Variants in FADS2 observed in about 807,000 individuals in gnomAD.
FADS2 encodes the protein fatty acid desaturase 2, also known as acyl-CoA 6-desaturase.
In FADS2, 18 loss-of-function variants were observed where a neutral mutation model predicts 61.2. The ratio of observed to expected loss-of-function variants is 0.29; its 90% CI spans 0.20 to 0.44. The LOEUF is 0.44. Ranked by LOEUF, FADS2 falls within the 20% of genes least tolerant of loss-of-function variation. The pLI is 1.00. For synonymous variants in FADS2, 203 were observed against 223.9 expected (o/e 0.91, Z 0.83); for missense variants, 322 against 572.7 (o/e 0.56, Z 4.47).
chr11:61,845,066 C>T (rs1356908066), intron 4 of FADS2, among the ~76,000 whole-genome samples: 8 of 92,874 alleles, frequency 8.6e-5, no homozygotes, highest in Non-Finnish European at 1.3e-4. Context: ...TTTTTTGCCT[C>T]AGGCTCTGAT....
At chr11:61,828,266 G>A, upstream of FADS2, 1 of 1,455,100 alleles carries the variant, frequency 6.9e-7, no homozygotes, top group Non-Finnish European at 9.0e-7. This position sits in a 1 kb window ranked among gnomAD's most constrained non-coding sequence, Gnocchi z 6.4. Flanking sequence ...AGGAGTAGGA[G>A]AAGACAAAAG....
At chr11:61,858,967 C>T (rs2067389452) in intron 7 of FADS2, among the ~76,000 whole-genome samples, 1 of 152,236 alleles carries the variant, frequency 6.6e-6, no homozygotes, top group African/African-American at 2.4e-5. Flanking sequence ...TCTCAGCAGT[C>T]TATTTGTCCC....
At position 61,857,464 on chromosome 11, in the gene FADS2, G is replaced by A. The variant is rs779599111; in HGVS notation, c.816G>A (p.Pro272=). Residue 272 remains proline, a synonymous_variant, in exon 7 of 12, where the codon CCG becomes CCA. Coordinates refer to ENST00000278840, the MANE Select transcript of FADS2 (RefSeq NM_004265.4). ...QHEYFFLIGP[P]LLIPMYFQYQ... ...GTCTCTCTCCTGCAGTTGGGCCGCC[G>A]CTGCTCATCCCCATGTATTTCCAGT... is the stretch of plus-strand genomic sequence containing the variant. 74 of 1,613,774 alleles carry A rather than the reference G, an allele frequency of 4.6e-5. No homozygotes were observed. The highest frequency in any genetic ancestry group is 1.6e-4 in the Middle Eastern group (1 of 6,084).
chr11:61,828,807 G>C lies in FADS2; in HGVS notation c.207+210G>C. ...GGTGGAGACCGGATCTGGGACCCGG[G>C]GAGGCGGCGCTGCGGTGAAAGTCCC... On this transcript the variant is annotated intron_variant, in intron 1 of 11. Coordinates refer to ENST00000278840, the MANE Select transcript of FADS2 (RefSeq NM_004265.4). This position sits in a 1 kb window ranked among gnomAD's most constrained non-coding sequence, Gnocchi z 6.4. The C allele has an allele frequency of 3.5e-6, 2 of 565,898 alleles. No homozygotes were observed. The highest frequency in any genetic ancestry group is 6.3e-6 in the Non-Finnish European group (2 of 318,676). 35.1% of individuals were successfully genotyped at this position (565,898 alleles called of 1,614,324 possible).
Position 61,863,764 on chromosome 11 carries a change from C to T in FADS2, c.1135C>T (p.Leu379Phe). 6.2e-7 allele frequency: 1 copy of T among 1,614,146 alleles called. No homozygotes were observed. Among genetic ancestry groups the T allele is most frequent in the Non-Finnish European group, 8.5e-7 (1 of 1,179,976 alleles). The change falls in exon 10 of 12, where the codon CTT (leucine) becomes TTT (phenylalanine). Residue 379 changes from leucine to phenylalanine, a missense_variant. By Grantham distance (22) the Leu-to-Phe change is conservative. Coordinates refer to ENST00000278840, the MANE Select transcript of FADS2 (RefSeq NM_004265.4). ...SFFNDWFSGH[L>F]NFQIEHHLFP... ...CTTCAACGACTGGTTCAGTGGACAC[C>T]TTAACTTCCAGATTGAGCACCAGTG... is the stretch of plus-strand genomic sequence containing the variant.
At chr11:61,852,441 AG>A (rs1367090500) in intron 5 of FADS2, among the ~76,000 whole-genome samples, 2 of 151,868 alleles carry the variant, frequency 1.3e-5, no homozygotes, top group Admixed American at 1.3e-4. Context: ...TTGTATTTTT[AG>A]TAGAGATGGG....
intron 1 of FADS2, among the ~76,000 whole-genome samples, chr11:61,835,304 T>C (rs921973882): frequency 1.3e-5 from 2 of 151,972 alleles, no homozygotes; most frequent in African/African-American, 4.8e-5. Context: ...AAGGAGATGA[T>C]GGGAGACTGG....
intron 4 of FADS2, chr11:61,847,018 C>T (rs1214609402): frequency 1.3e-5 from 2 of 151,374 alleles, no homozygotes; most frequent in Non-Finnish European, 2.9e-5. Context: ...GGTGTGATCT[C>T]TGCCTCCCGG....
intron 4 of FADS2, 62 bp downstream of exon 4, chr11:61,840,787 GA>G: frequency 7.9e-7 from 1 of 1,267,572 alleles, no homozygotes. Context: ...GAGGGACCAG[GA>G]TTCCTCTCTG....
intron 7 of FADS2, among the ~76,000 whole-genome samples, chr11:61,857,815 T>C (rs1427614004): frequency 2.0e-5 from 3 of 151,898 alleles, no homozygotes; most frequent in Non-Finnish European, 2.9e-5. Context: ...GAGAGGCAAG[T>C]GTGGCCATCT....
At chr11:61,818,233 G>A (rs1390870503) in intron 1 of FADS2, among the ~76,000 whole-genome samples, 1 of 152,144 alleles carries the variant, frequency 6.6e-6, no homozygotes, top group Non-Finnish European at 1.5e-5. Context: ...TCATTTTATA[G>A]ATAAGAAAAT....
chr11:61,829,609 A>G (rs1448201218), intron 1 of FADS2, among the ~76,000 whole-genome samples: 1 of 152,228 alleles, frequency 6.6e-6, no homozygotes, highest in African/African-American at 2.4e-5. Flanking sequence ...GGAAAAGAAC[A>G]GAGGCAAGGA....
upstream of FADS2, among the ~76,000 whole-genome samples, chr11:61,823,829 T>G (rs553192329): frequency 6.6e-5 from 10 of 152,328 alleles, no homozygotes; most frequent in African/African-American, 2.4e-4. Flanking sequence ...ACCCAGTTTC[T>G]TAGATAGGGT....
upstream of FADS2, among the ~76,000 whole-genome samples, chr11:61,823,568 G>A (rs887217920): frequency 6.6e-6 from 1 of 152,200 alleles, no homozygotes; most frequent in Non-Finnish European, 1.5e-5. Context: ...TCCAGCTGGA[G>A]TGCAGTGGCA....
chr11:61,864,847 T>G (rs1040735775), intron 10 of FADS2, among the ~76,000 whole-genome samples: 1 of 152,206 alleles, frequency 6.6e-6, no homozygotes, highest in African/African-American at 2.4e-5. Context: ...CACTGCCTCT[T>G]TTCCTAGCAT....
At chr11:61,833,221 C>T (rs894665503) in intron 1 of FADS2, among the ~76,000 whole-genome samples, 6 of 152,196 alleles carry the variant, frequency 3.9e-5, no homozygotes, top group Non-Finnish European at 7.3e-5. Context: ...CCCCATGTCC[C>T]GGGTCCTCTT....
At chr11:61,824,579 G>C (rs1407781113), upstream of FADS2, among the ~76,000 whole-genome samples, 3 of 152,026 alleles carry the variant, frequency 2.0e-5, no homozygotes, top group East Asian at 5.8e-4. Flanking sequence ...CAGAGACAGA[G>C]GTCTAACATC....
chr11:61,865,118 T>C lies in FADS2; in HGVS notation c.1158-34T>C, dbSNP rs767174072. The C allele has an allele frequency of 6.3e-7, 1 of 1,597,536 alleles. No individual in the cohort carries two copies. On this transcript the variant is annotated intron_variant, in intron 10 of 11. Coordinates refer to ENST00000278840, the MANE Select transcript of FADS2 (RefSeq NM_004265.4). The surrounding 1 kb of genome is among the most constrained non-coding windows in gnomAD (Gnocchi z 4.1). ...AGCGGGAGCAGCATGGCCCTCTGAGTCCTCACGCTCTGCCCACCCTACACA... is the reference window on the plus strand; with the variant it reads ...AGCGGGAGCAGCATGGCCCTCTGAGCCCTCACGCTCTGCCCACCCTACACA...
chr11:61,856,828 A>T, intron 5 of FADS2, 183 bp from the exon 6 acceptor site: 2 of 614,050 alleles, frequency 3.3e-6, no homozygotes, highest in South Asian at 2.0e-5. Flanking sequence ...TGGCTGTAGC[A>T]TGGGGAGCCC....
Sources: gnomAD v4.1 joint callset for allele counts (sites outside exome capture counted in the v4.1 genomes callset) on GRCh38, gnomAD v4.1.1 for gene constraint, Gnocchi (gnomAD v3.1) non-coding constraint, MANE v1.5 for transcripts, NCBI Gene and HGNC (gene_info 2026-07-23, HGNC 2026-07-21) for gene names.